MNAT1: variants seen among roughly 807,000 people sequenced by gnomAD.
MNAT1 encodes CDK-activating kinase assembly factor MAT1.
Under a neutral mutation model 42.0 loss-of-function variants are expected in MNAT1, and 43 were observed. The ratio of observed to expected loss-of-function variants is 1.02; its 90% CI spans 0.80 to 1.32. MNAT1 has a LOEUF of 1.32. MNAT1 is among the 40% of genes most tolerant of loss of function. The pLI, the probability that MNAT1 is intolerant of heterozygous loss-of-function variation, is 0.00. For missense variants in MNAT1, 306 were observed against 350.4 expected (o/e 0.87, Z 1.01); for synonymous variants, 118 against 120.0 (o/e 0.98, Z 0.11).
intron 6 of MNAT1, among the ~76,000 whole-genome samples, chr14:60,830,784 A>C (rs1312458206): frequency 1.4e-5 from 2 of 145,646 alleles, no homozygotes; most frequent in East Asian, 2.0e-4. Flanking sequence ...TTTGGTCCTC[A>C]CCACTTCTTC....
chr14:60,869,591 G>T (rs996586965), intron 6 of MNAT1, among the ~76,000 whole-genome samples: 1 of 152,102 alleles, frequency 6.6e-6, no homozygotes, highest in African/African-American at 2.4e-5. Context: ...AATTAAAAGA[G>T]TTCTGAATTT....
At chr14:60,887,911 C>G (rs994449979) in intron 7 of MNAT1, among the ~76,000 whole-genome samples, 4 of 151,364 alleles carry the variant, frequency 2.6e-5, no homozygotes, top group African/African-American at 4.9e-5. Context: ...GAAGTTGAAT[C>G]TCTGAATAGA....
intron 7 of MNAT1, among the ~76,000 whole-genome samples, chr14:60,886,185 T>G (rs1025641452): frequency 1.3e-5 from 2 of 152,078 alleles, no homozygotes; most frequent in Non-Finnish European, 2.9e-5. Context: ...AAATTTGGTG[T>G]TTCCAACTTT....
intron 6 of MNAT1, among the ~76,000 whole-genome samples, chr14:60,825,762 C>T (rs770505718): frequency 1.2e-4 from 18 of 152,104 alleles, no homozygotes; most frequent in Non-Finnish European, 2.2e-4. Flanking sequence ...CAGGTGTCCT[C>T]TGAGAGCTAA....
chr14:60,739,968 A>G (rs1896417683), intron 1 of MNAT1, among the ~76,000 whole-genome samples: 1 of 152,246 alleles, frequency 6.6e-6, no homozygotes, highest in Non-Finnish European at 1.5e-5. Context: ...ATCCTGGCCA[A>G]CATAGTGAAA....
chr14:60,913,011 G>A lies in MNAT1; in HGVS notation c.809+33176G>A, dbSNP rs1009771367. ...TTCACATAGTCACATATTTCTTGGAGGCTTTGTTTGTTTCTTTTTATTCTT... is the reference window on the plus strand; with the variant it reads ...TTCACATAGTCACATATTTCTTGGAAGCTTTGTTTGTTTCTTTTTATTCTT... On this transcript the variant is annotated intron_variant, in intron 7 of 7. Coordinates refer to ENST00000261245, the MANE Select transcript of MNAT1 (RefSeq NM_002431.4). Among the ~76,000 whole-genome samples the A allele has an allele frequency of 9.2e-5, 14 of 152,288 alleles. No homozygotes were observed. The East Asian group carries it at 1.4e-3, about 15-fold the overall frequency.
chr14:60,913,193 T>C (rs1026353666), intron 7 of MNAT1, among the ~76,000 whole-genome samples: 5 of 152,228 alleles, frequency 3.3e-5, no homozygotes, highest in Non-Finnish European at 7.3e-5. Context: ...CTTTAAGGAC[T>C]TCTCTGCATT....
chr14:60,836,573 A>G (rs1227236597), intron 6 of MNAT1, among the ~76,000 whole-genome samples: 2 of 152,224 alleles, frequency 1.3e-5, no homozygotes, highest in East Asian at 3.9e-4. Flanking sequence ...CGGAGGCTGC[A>G]GAACAGCAAA....
intron 4 of MNAT1, 35 bp from the exon 5 acceptor site, chr14:60,811,952 A>G (rs919854942): frequency 6.5e-7 from 1 of 1,528,442 alleles, no homozygotes; most frequent in African/African-American, 1.4e-5. Context: ...TGGCTCCTAA[A>G]TTTATTCCAC....
chr14:60,799,177 T>A (rs1453258605), intron 3 of MNAT1: 2 of 887,438 alleles, frequency 2.3e-6, no homozygotes, highest in Non-Finnish European at 2.7e-6. Flanking sequence ...TAATTTAGGG[T>A]TTCTCTGGGA....
chr14:60,852,674 T>C (rs1378000816), intron 6 of MNAT1, among the ~76,000 whole-genome samples: 1 of 152,236 alleles, frequency 6.6e-6, no homozygotes, highest in Non-Finnish European at 1.5e-5. Context: ...TTTTTATGGT[T>C]TTGGGTTTTA....
At chr14:60,764,588 T>C (rs573064915) in intron 1 of MNAT1, among the ~76,000 whole-genome samples, 110 of 152,202 alleles carry the variant, frequency 7.2e-4, no homozygotes, top group Non-Finnish European at 1.4e-3. Context: ...ATTTAGATGG[T>C]AAATTGAGAG....
chr14:60,925,182 T>C (rs1463303557), intron 7 of MNAT1, among the ~76,000 whole-genome samples: 2 of 152,220 alleles, frequency 1.3e-5, no homozygotes, highest in African/African-American at 4.8e-5. Context: ...TTACATAGCA[T>C]TTATAATACG....
At chr14:60,963,718 G>C (rs569340300) in intron 7 of MNAT1, among the ~76,000 whole-genome samples, 15 of 152,086 alleles carry the variant, frequency 9.9e-5, no homozygotes, top group Admixed American at 9.8e-4. Flanking sequence ...CTAAAAAAAC[G>C]GGCCACCTTG....
At chr14:60,909,116 C>G (rs984817500) in intron 7 of MNAT1, among the ~76,000 whole-genome samples, 19 of 152,164 alleles carry the variant, frequency 1.2e-4, no homozygotes, top group Admixed American at 4.6e-4. Flanking sequence ...CTGCATAAAT[C>G]TCTTCTTTTG....
At chr14:60,819,505 C>A (rs1033217297) in intron 6 of MNAT1, among the ~76,000 whole-genome samples, 1 of 151,586 alleles carries the variant, frequency 6.6e-6, no homozygotes, top group Non-Finnish European at 1.5e-5. Flanking sequence ...TCCTAATTAT[C>A]TTTTAAAATA....
intron 7 of MNAT1, among the ~76,000 whole-genome samples, chr14:60,901,244 C>T (rs1002514859): frequency 6.6e-6 from 1 of 152,098 alleles, no homozygotes; most frequent in Non-Finnish European, 1.5e-5. Flanking sequence ...CTGTTTACAG[C>T]ATGGTTTGCT....
chr14:60,758,257 A>G (rs2030446951), intron 1 of MNAT1, among the ~76,000 whole-genome samples: 1 of 148,274 alleles, frequency 6.7e-6, no homozygotes, highest in African/African-American at 2.5e-5. Context: ...CCCAGGTGAG[A>G]GTGCAGTGGC....
At chr14:60,745,003 A>G (rs1361640260) in intron 1 of MNAT1, among the ~76,000 whole-genome samples, 2 of 152,152 alleles carry the variant, frequency 1.3e-5, no homozygotes, top group African/African-American at 2.4e-5. Context: ...TTCTTGGCCA[A>G]GGATTTATGG....
Sources: allele counts gnomAD v4.1 joint callset (sites outside exome capture counted in the v4.1 genomes callset), GRCh38; gene constraint gnomAD v4.1.1; transcripts MANE v1.5; gene names NCBI Gene and HGNC (gene_info 2026-07-23, HGNC 2026-07-21).